Variants in HERC2 observed in about 807,000 individuals in gnomAD.
HERC2 encodes HECT and RLD domain containing E3 ubiquitin protein ligase 2, also known as E3 ubiquitin-protein ligase HERC2.
A neutral mutation model predicts 537.7 loss-of-function variants in HERC2; 102 were observed. That is an observed-to-expected ratio of 0.19 (90% confidence interval 0.16 to 0.22). The LOEUF is 0.22. Among genes scored for constraint, HERC2 ranks in the 10% least tolerant of loss-of-function variants. The pLI, the probability that HERC2 is intolerant of heterozygous loss-of-function variation, is 1.00. For missense variants in HERC2, 4,236 were observed against 6,198.2 expected, an observed-to-expected ratio of 0.68 and a Z score of 10.63; for synonymous variants, 2,224 against 2,466.2, an observed-to-expected ratio of 0.90 and a Z score of 2.91.
intron 48 of HERC2, 83 bp downstream of exon 48, chr15:28,201,373 A>G: frequency 1.1e-6 from 1 of 904,426 alleles, no homozygotes; most frequent in Non-Finnish European, 1.8e-6. Flanking sequence ...GCCTCTGTCC[A>G]CTGATGTTTG....
intron 2 of HERC2, chr15:28,312,690 G>A (rs1175277109): frequency 1.1e-5 from 2 of 184,342 alleles, no homozygotes; most frequent in Admixed American, 6.5e-5. Context: ...TTTGTAAAGT[G>A]AGAGTATTTA....
chr15:28,114,752 G>A lies in HERC2; in HGVS notation c.13773C>T (p.Ala4591=). ...TCATGGCTTCAAACTCCTCTGAGGT[G>A]GCTTCATTGTCTCGGATGTACATGA... ...PGLMYIRDNE[A]TSEEFEAMSL... The change falls in exon 90 of 93, where the codon GCC becomes GCT. Residue 4591 remains alanine (A), a synonymous_variant. Transcript: ENST00000261609. 6.2e-7 allele frequency: 1 copy of A among 1,614,008 alleles called. No individual in the cohort carries two copies. Among genetic ancestry groups the A allele is most frequent in the Non-Finnish European group, 8.5e-7 (1 of 1,180,018 alleles).
At position 28,266,073 on chromosome 15, in the gene HERC2, T is replaced by C. The variant is rs2075559498; in HGVS notation, c.1599-99A>G. 1.1e-5 allele frequency: 14 copies of C among 1,304,064 alleles called. No individual in the cohort carries two copies. The East Asian group carries it at 3.5e-4, about 32-fold the overall frequency. 80.8% of individuals were successfully genotyped at this position (1,304,064 alleles called of 1,614,324 possible). On this transcript the variant is annotated intron_variant, in intron 12 of 92. Transcript: ENST00000261609. ...TTCACTATCCAAATTTAGACCAGCA[T>C]AGCATCAGGCCAGTTTCACCTTCCA...
intron 90 of HERC2, 93 bp downstream of exon 90, chr15:28,114,504 CATTACTTTACTGTGT>C: frequency 2.1e-6 from 2 of 949,314 alleles, no homozygotes; most frequent in Middle Eastern, 6.7e-4. Context: ...GAGCCAAATC[CATTACTTTACTGTGT>C]ATGACACTCC....
In HERC2 at chr15:28,184,731, G is replaced by A. The variant is rs191538419; in HGVS notation, c.8825+1846C>T. 8.4e-3 allele frequency among the ~76,000 whole-genome samples: 1,265 copies of A among 151,142 alleles called. 10 individuals are homozygous for A. The highest frequency in any genetic ancestry group is 0.015 in the Non-Finnish European group (1,044 of 67,794). ...AAAAAAATTAGCCGGGCATGGCGGC[G>A]TGCACCTGTAGTCCCAGCTACTCAG... On this transcript the variant is annotated intron_variant, in intron 56 of 92. Transcript: ENST00000261609.
intron 3 of HERC2, among the ~76,000 whole-genome samples, chr15:28,296,772 G>A (rs2141175621): frequency 6.6e-6 from 1 of 151,046 alleles, no homozygotes; most frequent in South Asian, 2.1e-4. Flanking sequence ...GCATCCAGAG[G>A]TCCAGAAAGG....
intron 55 of HERC2, among the ~76,000 whole-genome samples, chr15:28,188,101 GT>G (rs998967284): frequency 2.0e-5 from 3 of 149,414 alleles, no homozygotes; most frequent in Admixed American, 6.7e-5. Context: ...CAATTACTCA[GT>G]TTTTTTTTTC....
chr15:28,260,127 C>T (rs1374311480), intron 16 of HERC2, among the ~76,000 whole-genome samples: 1 of 151,202 alleles, frequency 6.6e-6, no homozygotes, highest in Non-Finnish European at 1.5e-5. Flanking sequence ...ATCGCTAGAG[C>T]TCAGGAGTTC....
intron 37 of HERC2, among the ~76,000 whole-genome samples, chr15:28,219,634 C>T (rs1275438425): frequency 4.6e-5 from 7 of 152,190 alleles, no homozygotes; most frequent in East Asian, 1.9e-4. Flanking sequence ...CGAGCCCAGA[C>T]GGTGCGCTAT....
Position 28,280,428 on chromosome 15 carries a change from CAT to C in HERC2, c.323-143_323-142del, listed in dbSNP as rs1335738933. 2.1e-5 allele frequency: 14 copies of C among 665,510 alleles called. No homozygotes were observed. The Admixed American group carries it at 2.7e-4, about 13-fold the overall frequency. The allele number at this position is 665,510 out of a possible 1,614,324, so 41.2% of individuals were successfully genotyped here. A position where few individuals can be genotyped will look rare whatever the true frequency, so the allele number is the denominator to read the frequency against. The stretch of plus-strand genomic sequence containing the variant: ...ATAATGGTTTTAACCACTTTACACA[CAT>C]GAGCTCAGGCAACCCTCACACCCAG... On this transcript the variant is annotated intron_variant, in intron 4 of 92. Coordinates refer to ENST00000261609, the MANE Select transcript of HERC2 (RefSeq NM_004667.6).
intron 2 of HERC2, among the ~76,000 whole-genome samples, chr15:28,304,348 G>A (rs1328598992): frequency 2.0e-5 from 3 of 150,966 alleles, no homozygotes; most frequent in Non-Finnish European, 3.0e-5. Flanking sequence ...TTTCCAATTT[G>A]GATGCCCTTT....
intron 44 of HERC2, among the ~76,000 whole-genome samples, chr15:28,208,786 C>G (rs570928709): frequency 4.6e-5 from 7 of 152,292 alleles, no homozygotes; most frequent in Non-Finnish European, 7.3e-5. Flanking sequence ...AAAGGCTGCC[C>G]GTCCAGTGCT....
At chr15:28,154,803 A>T (rs868495171) in intron 69 of HERC2, among the ~76,000 whole-genome samples, 5 of 152,144 alleles carry the variant, frequency 3.3e-5, no homozygotes, top group Non-Finnish European at 5.9e-5. Context: ...TCTAGGGTAC[A>T]TGTGCACAAC....
At chr15:28,224,670 T>C (rs1032678251) in intron 35 of HERC2, among the ~76,000 whole-genome samples, 2 of 152,140 alleles carry the variant, frequency 1.3e-5, no homozygotes, top group African/African-American at 4.8e-5. Context: ...AATAGACATA[T>C]ACAGAACATC....
Position 28,176,472 on chromosome 15 carries a change from A to G in HERC2, c.9642T>C (p.Ala3214=), listed in dbSNP as rs1440046704. 3.7e-6 allele frequency: 6 copies of G among 1,613,990 alleles called. No individual in the cohort carries two copies. The highest frequency in any genetic ancestry group is 5.1e-6 in the Non-Finnish European group (6 of 1,180,030). Residue 3214 remains alanine (A), a synonymous_variant, in exon 63 of 93, where the codon GCT becomes GCC. Transcript: ENST00000261609. The surrounding 1 kb of genome is among the most constrained non-coding windows in gnomAD (Gnocchi z 5.0). ...GQGVCQIECG[A]QFSLALTKSG... ...ACTTGGTGAGCGCCAGGGAGAACTGAGCTCCACACTCAATCTGGCACACCC... is the reference window on the plus strand; with the variant it reads ...ACTTGGTGAGCGCCAGGGAGAACTGGGCTCCACACTCAATCTGGCACACCC...
intron 79 of HERC2, among the ~76,000 whole-genome samples, chr15:28,134,771 C>T (rs181317223): frequency 5.7e-4 from 85 of 149,262 alleles, no homozygotes; most frequent in African/African-American, 2.0e-3. Context: ...GGCGCAATCT[C>T]GGCTCACTGC....
At chr15:28,293,075 A>G in intron 3 of HERC2, 53 bp from the exon 4 acceptor site, 5 of 1,540,568 alleles carry the variant, frequency 3.2e-6, no homozygotes, top group East Asian at 2.2e-5. Flanking sequence ...ATGCCATACC[A>G]TTAGTCTCTG....
chr15:28,258,670 G>A (rs999330169), intron 16 of HERC2, among the ~76,000 whole-genome samples: 4 of 151,954 alleles, frequency 2.6e-5, no homozygotes, highest in Admixed American at 6.6e-5. Flanking sequence ...CTAAGTTTCC[G>A]CCTTAAGAAA....
chr15:28,255,745 A>G, intron 19 of HERC2, 127 bp downstream of exon 19: 1 of 1,050,140 alleles, frequency 9.5e-7, no homozygotes, highest in Admixed American at 2.9e-5. Flanking sequence ...AAGAATTTTA[A>G]TTTAAAAAAT....
Sources: gnomAD v4.1 joint callset for allele counts (sites outside exome capture counted in the v4.1 genomes callset) on GRCh38, gnomAD v4.1.1 for gene constraint, Gnocchi (gnomAD v3.1) non-coding constraint, MANE v1.5 for transcripts, NCBI Gene and HGNC (gene_info 2026-07-23, HGNC 2026-07-21) for gene names.